The following RFPL4A variants were observed in gnomAD, a reference collection of about 807,000 sequenced individuals.
The protein encoded by RFPL4A is ret finger protein-like 4A.
RFPL4A carries 4 observed loss-of-function variants against 8.3 expected under a neutral mutation model. That is an observed-to-expected ratio of 0.48 (90% CI 0.24 to 1.10). The LOEUF is 1.10. Ranked by LOEUF, RFPL4A falls within the 50% of genes least tolerant of loss-of-function variation. The pLI is 0.18. For synonymous variants in RFPL4A, 43 were observed against 136.6 expected (o/e 0.31, Z 4.78); for missense variants, 111 against 358.7 (o/e 0.31, Z 5.58).
rs1402187635 is a variant in RFPL4A at position 55,761,916 on chromosome 19, A to G, written c.116A>G (p.Gln39Arg). 2.0e-6 allele frequency: 3 copies of G among 1,511,220 alleles called. No homozygotes were observed. Among genetic ancestry groups the G allele is most frequent in the Non-Finnish European group, 2.7e-6 (3 of 1,115,998 alleles). The allele number at this position is 1,511,220 out of a possible 1,614,324, so 93.6% of individuals were successfully genotyped here. Residue 39 changes from glutamine to arginine, a missense_variant, in exon 2 of 3, where the codon CAG becomes CGG. Transcript: ENST00000434937. ...ACCLQCLNSL[Q>R]KEPDGEGLLC... ...TGCCTCCAGTGCCTCAATTCACTCC[A>G]GAAGGAGCCCGATGGGGAAGGTTTA...
chr19:55,760,129 G>A (rs1486217178), intron 1 of RFPL4A, among the ~76,000 whole-genome samples: 1 of 151,564 alleles, frequency 6.6e-6, no homozygotes. Context: ...ACTATTTTCT[G>A]TAGTGGTTGT....
rs1254342838 is a variant in RFPL4A at position 55,761,939 on chromosome 19, T to G, written c.139T>G (p.Leu47Val). 6.6e-7 allele frequency: 1 copy of G among 1,515,438 alleles called. No individual in the cohort carries two copies. The highest frequency in any genetic ancestry group is 8.9e-7 in the Non-Finnish European group (1 of 1,119,806). 93.9% of individuals were successfully genotyped at this position (1,515,438 alleles called of 1,614,324 possible). A position where few individuals can be genotyped will look rare whatever the true frequency, so the allele number is the denominator to read the frequency against. The change falls in exon 2 of 3, where the codon TTA becomes GTA. Residue 47 changes from leucine to valine, a missense_variant. Physicochemically the swap from Leu to Val is conservative, Grantham distance 32 (BLOSUM62 1). Transcript: ENST00000434937. ...CCAGAAGGAGCCCGATGGGGAAGGTTTACTGTGCCGTTTCTGCTCTGTGGT... is the reference window on the plus strand; with the variant it reads ...CCAGAAGGAGCCCGATGGGGAAGGTGTACTGTGCCGTTTCTGCTCTGTGGT... ...SLQKEPDGEG[L>V]LCRFCSVVSQ...
At chr19:55,759,332 T>C (rs772059087) in intron 1 of RFPL4A, among the ~76,000 whole-genome samples, 157 bp downstream of exon 1, 1 of 152,072 alleles carries the variant, frequency 6.6e-6, no homozygotes, top group Non-Finnish European at 1.5e-5. Flanking sequence ...CTGGTAACAG[T>C]TAGGTAAGTC....
intron 1 of RFPL4A, among the ~76,000 whole-genome samples, chr19:55,760,806 G>A (rs923708125): frequency 3.3e-5 from 5 of 151,468 alleles, no homozygotes; most frequent in African/African-American, 4.9e-5. Flanking sequence ...CACTGGATAC[G>A]TTCTCGATTC....
At chr19:55,762,407 A>C (rs1358999504) in intron 2 of RFPL4A, among the ~76,000 whole-genome samples, 191 bp from the exon 3 acceptor site, 9 of 151,532 alleles carry the variant, frequency 5.9e-5, no homozygotes, top group Admixed American at 5.9e-4. Flanking sequence ...TACAATGATC[A>C]TATTCATGCA....
chr19:55,761,007 A>G (rs1468625549), intron 1 of RFPL4A, among the ~76,000 whole-genome samples: 2 of 141,762 alleles, frequency 1.4e-5, no homozygotes, highest in East Asian at 4.1e-4. Context: ...CCTTGAAAAT[A>G]TTCCTTATAT....
upstream of RFPL4A, among the ~76,000 whole-genome samples, chr19:55,757,416 T>C (rs1298360092): frequency 6.6e-6 from 1 of 151,400 alleles, no homozygotes; most frequent in Non-Finnish European, 1.5e-5. Context: ...GAACAGGGCC[T>C]GGGGATCGGA....
Position 55,762,372 on chromosome 19 carries a change from T to G in RFPL4A, c.287-226T>G, listed in dbSNP as rs1238657539. 2.0e-5 allele frequency among the ~76,000 whole-genome samples: 3 copies of G among 151,204 alleles called. No individual in the cohort carries two copies. In the East Asian group the frequency reaches 5.8e-4, roughly 29 times the overall value. ...CCACTAACTTATTTCGAAAGGCATT[T>G]CTAATATGAATAAGGTGGACTTGTT... On this transcript the variant is annotated intron_variant, in intron 2 of 2. Transcript: ENST00000434937.
Position 55,759,364 on chromosome 19 carries a change from G to A in RFPL4A, c.-10+189G>A, listed in dbSNP as rs3973373. Among the ~76,000 whole-genome samples, 397 of 152,066 alleles carry A rather than the reference G, an allele frequency of 2.6e-3. 2 individuals are homozygous for A. In the Middle Eastern group the frequency reaches 0.027, roughly 10 times the overall value. ...AGTCTTAGATTTTCAATACCAAGGCGAGAGACTTGACAATCTCCATTTGCT... is the reference window on the plus strand; with the variant it reads ...AGTCTTAGATTTTCAATACCAAGGCAAGAGACTTGACAATCTCCATTTGCT... On this transcript the variant is annotated intron_variant, in intron 1 of 2. Transcript: ENST00000434937.
At chr19:55,762,153 T>A in intron 2 of RFPL4A, 67 bp downstream of exon 2, 1 of 1,516,402 alleles carries the variant, frequency 6.6e-7, no homozygotes, top group Non-Finnish European at 8.9e-7. Context: ...CAAACATTTC[T>A]TCATTAAACA....
Position 55,760,694 on chromosome 19 carries a change from G to GT in RFPL4A, c.-9-1092dup, listed in dbSNP as rs1395405048. ...CTTTGAAACAGCTTAACTCCCTCCG[G>GT]TTTTTTATCACCTCATGAGCCCAGG... On this transcript the variant is annotated intron_variant, in intron 1 of 2. Transcript: ENST00000434937. Among the ~76,000 whole-genome samples, 8 of 151,626 alleles carry GT rather than the reference G, an allele frequency of 5.3e-5. 2 individuals are homozygous for GT. Among genetic ancestry groups the GT allele is most frequent in the African/African-American group, 1.7e-4 (7 of 41,246 alleles).
upstream of RFPL4A, among the ~76,000 whole-genome samples, chr19:55,758,356 T>G (rs1224951172): frequency 2.0e-5 from 3 of 152,362 alleles, no homozygotes; most frequent in Admixed American, 6.5e-5. Flanking sequence ...TGTAATCAAA[T>G]CCTTTCCCAC....
At position 55,759,162 on chromosome 19, in the gene RFPL4A, C is replaced by T. The variant is rs1195361621; in HGVS notation, c.-23C>T. 1 of 152,260 alleles carries T rather than the reference C, an allele frequency of 6.6e-6. No individual in the cohort carries two copies. Among genetic ancestry groups the T allele is most frequent in the African/African-American group, 2.4e-5 (1 of 40,984 alleles). 9.4% of individuals were successfully genotyped at this position (152,260 alleles called of 1,614,324 possible). ...AAGCAGCTGGAGGCCAGGGGAGAAA[C>T]TCCAGAAGGAGAGGTGAGTTCAATC... On this transcript the variant is annotated 5_prime_UTR_variant, in exon 1 of 3. Coordinates refer to ENST00000434937, the MANE Select transcript of RFPL4A (RefSeq NM_001145014.2).
At position 55,761,975 on chromosome 19, in the gene RFPL4A, G is replaced by T. The variant is rs1167293816; in HGVS notation, c.175G>T (p.Asp59Tyr). 6.6e-7 allele frequency: 1 copy of T among 1,515,288 alleles called. No individual in the cohort carries two copies. Among genetic ancestry groups the T allele is most frequent in the Non-Finnish European group, 8.9e-7 (1 of 1,119,854 alleles). The allele number at this position is 1,515,288 out of a possible 1,614,324, so 93.9% of individuals were successfully genotyped here. A position where few individuals can be genotyped will look rare whatever the true frequency, so the allele number is the denominator to read the frequency against. Residue 59 changes from aspartate to tyrosine, a missense_variant, in exon 2 of 3, where the codon GAT (aspartate) becomes TAT (tyrosine). Physicochemically the swap from Asp to Tyr is radical, Grantham distance 160. Transcript: ENST00000434937. The stretch of plus-strand genomic sequence containing the variant: ...TTTCTGCTCTGTGGTCTCTCAGAAG[G>T]ATGACATCAAGCCCAAGTACAAGCT... ...CRFCSVVSQK[D>Y]DIKPKYKLRA...
intron 1 of RFPL4A, 103 bp downstream of exon 1, chr19:55,759,278 A>G (rs1158234941): frequency 1.3e-5 from 2 of 152,270 alleles, no homozygotes; most frequent in East Asian, 1.9e-4. Context: ...GGCCAAGGCC[A>G]TGACAGACAC....
chr19:55,758,207 T>C (rs1397419098), upstream of RFPL4A, among the ~76,000 whole-genome samples: 5 of 152,186 alleles, frequency 3.3e-5, no homozygotes, highest in African/African-American at 1.2e-4. Flanking sequence ...AGATTTGTGT[T>C]TCTCCATTTG....
chr19:55,758,674 T>G (rs528392528), upstream of RFPL4A, among the ~76,000 whole-genome samples: 15 of 151,740 alleles, frequency 9.9e-5, no homozygotes, highest in South Asian at 1.7e-3. Context: ...GAGAGTTGAG[T>G]GTGGTCTGTG....
chr19:55,759,914 C>A (rs1302274513), intron 1 of RFPL4A, among the ~76,000 whole-genome samples: 1 of 151,632 alleles, frequency 6.6e-6, no homozygotes, highest in Non-Finnish European at 1.5e-5. Context: ...TAGAATAATC[C>A]AATGTATATA....
At chr19:55,759,370 C>T (rs1291587611) in intron 1 of RFPL4A, among the ~76,000 whole-genome samples, 195 bp downstream of exon 1, 1 of 151,994 alleles carries the variant, frequency 6.6e-6, no homozygotes, top group Non-Finnish European at 1.5e-5. Flanking sequence ...AGGCGAGAGA[C>T]TTGACAATCT....
Sources: gnomAD v4.1 joint callset for allele counts (sites outside exome capture counted in the v4.1 genomes callset) on GRCh38, gnomAD v4.1.1 for gene constraint, MANE v1.5 for transcripts, NCBI Gene and HGNC (gene_info 2026-07-23, HGNC 2026-07-21) for gene names.